ACYP2: variants seen among roughly 807,000 people sequenced by gnomAD.
ACYP2 encodes acylphosphatase 2.
Under a neutral mutation model 11.2 loss-of-function variants are expected in ACYP2, and 12 were observed. That is an observed-to-expected ratio of 1.08 (90% CI 0.69 to 1.74). ACYP2 has a LOEUF of 1.74. Among genes scored for constraint, ACYP2 ranks in the 40% most tolerant of loss-of-function variants. The pLI is 0.00. For synonymous variants in ACYP2, 43 were observed against 32.2 expected (o/e 1.33, Z -1.13); for missense variants, 134 against 101.9 (o/e 1.31, Z -1.35).
rs142733234 is a variant in ACYP2 at position 54,137,732 on chromosome 2, G to A, written c.295-907G>A. On this transcript the variant is annotated intron_variant, in intron 5 of 6. Coordinates refer to ENST00000607452, the MANE Select transcript of ACYP2 (RefSeq NM_001320586.2). Reference sequence around the variant, plus strand: ...TGTCTTGGCTATTGTGAATACTGCTGTAGTGAACATATGTGTGTATGTGTG... The same window carrying A: ...TGTCTTGGCTATTGTGAATACTGCTATAGTGAACATATGTGTGTATGTGTG... 2.2e-3 allele frequency among the ~76,000 whole-genome samples: 342 copies of A among 152,286 alleles called. 2 individuals are homozygous for A. The highest frequency in any genetic ancestry group is 7.7e-3 in the African/African-American group (320 of 41,540).
intron 4 of ACYP2, among the ~76,000 whole-genome samples, chr2:54,112,301 G>A (rs1679503595): frequency 6.6e-6 from 1 of 152,120 alleles, no homozygotes. Flanking sequence ...TGTTGCTCAG[G>A]TTACAAAACC....
At chr2:54,106,828 C>T (rs373516341) in intron 4 of ACYP2, among the ~76,000 whole-genome samples, 30 of 152,208 alleles carry the variant, frequency 2.0e-4, no homozygotes, top group African/African-American at 6.0e-4. Context: ...CGTGATCCGC[C>T]CCCCCTCGGC....
chr2:54,264,637 G>A (rs149150691), intron 6 of ACYP2, among the ~76,000 whole-genome samples: 16 of 152,366 alleles, frequency 1.1e-4, no homozygotes, highest in Non-Finnish European at 1.9e-4. Flanking sequence ...ATGCCGGTCT[G>A]GAGATGGGTG....
At chr2:54,055,224 A>G (rs1367022600) in intron 3 of ACYP2, among the ~76,000 whole-genome samples, 1 of 151,992 alleles carries the variant, frequency 6.6e-6, no homozygotes, top group African/African-American at 2.4e-5. Flanking sequence ...TTTAGTAGAG[A>G]TGGGGTTTCA....
chr2:54,228,058 GAAT>G (rs1161497859), intron 6 of ACYP2, among the ~76,000 whole-genome samples: 3 of 152,206 alleles, frequency 2.0e-5, no homozygotes, highest in Non-Finnish European at 2.9e-5. Flanking sequence ...CAGGCTGGCT[GAAT>G]AATAGCCCTT....
chr2:54,117,988 G>A (rs1338392595), intron 4 of ACYP2, among the ~76,000 whole-genome samples: 1 of 152,056 alleles, frequency 6.6e-6, no homozygotes, highest in African/African-American at 2.4e-5. Context: ...CATCCTTATA[G>A]CTTAGCTCCC....
At chr2:54,268,265 A>G (rs996754827) in intron 6 of ACYP2, among the ~76,000 whole-genome samples, 5 of 152,198 alleles carry the variant, frequency 3.3e-5, no homozygotes, top group Non-Finnish European at 7.3e-5. Flanking sequence ...AGTAGCTGCA[A>G]TGAGGTTGTT....
chr2:54,122,175 G>C (rs1188961550), intron 4 of ACYP2, among the ~76,000 whole-genome samples: 1 of 152,170 alleles, frequency 6.6e-6, no homozygotes, highest in Non-Finnish European at 1.5e-5. Context: ...TCAGATCCCA[G>C]GATGAAATGG....
At chr2:54,146,088 A>G (rs1681866863) in intron 6 of ACYP2, among the ~76,000 whole-genome samples, 1 of 152,256 alleles carries the variant, frequency 6.6e-6, no homozygotes, top group Non-Finnish European at 1.5e-5. Flanking sequence ...GCATCTCTGC[A>G]TGCCTTCATT....
intron 6 of ACYP2, among the ~76,000 whole-genome samples, chr2:54,258,015 C>A (rs180919047): frequency 1.9e-3 from 284 of 152,258 alleles, no homozygotes; most frequent in African/African-American, 6.6e-3. Context: ...ATTAAACATT[C>A]AACAAATGTT....
chr2:54,032,965 G>C (rs1471941136), intron 2 of ACYP2, among the ~76,000 whole-genome samples: 1 of 152,198 alleles, frequency 6.6e-6, no homozygotes, highest in African/African-American at 2.4e-5. Context: ...GAAAGAAAGA[G>C]TTCCAGGCAG....
In ACYP2 at chr2:53,971,255, G is replaced by T. The variant is rs1044078865; in HGVS notation, c.-103G>T. Reference sequence around the variant, plus strand: ...GAATTCCAAGCTATTGTCCTGCTTCGCCGGGGGTCGCGCACTCCAAGCGGC... The same window carrying T: ...GAATTCCAAGCTATTGTCCTGCTTCTCCGGGGGTCGCGCACTCCAAGCGGC... On this transcript the variant is annotated 5_prime_UTR_variant, in exon 1 of 7. Coordinates refer to ENST00000607452, the MANE Select transcript of ACYP2 (RefSeq NM_001320586.2). 6.5e-6 allele frequency: 1 copy of T among 153,930 alleles called. No individual in the cohort carries two copies. The highest frequency in any genetic ancestry group is 1.4e-5 in the Non-Finnish European group (1 of 69,292). The allele number at this position is 153,930 out of a possible 1,614,324, so 9.5% of individuals were successfully genotyped here. A position where few individuals can be genotyped will look rare whatever the true frequency, so the allele number is the denominator to read the frequency against.
chr2:54,055,961 A>G (rs1043451154), intron 3 of ACYP2, among the ~76,000 whole-genome samples: 5 of 152,202 alleles, frequency 3.3e-5, no homozygotes, highest in Non-Finnish European at 7.3e-5. Flanking sequence ...TAGTACCCCC[A>G]TAGGCATACT....
chr2:54,131,154 A>G (rs545806820), intron 4 of ACYP2, among the ~76,000 whole-genome samples: 62 of 152,240 alleles, frequency 4.1e-4, no homozygotes, highest in Non-Finnish European at 6.8e-4. Context: ...TCAATAATCA[A>G]TGTTTAACTG....
At chr2:54,250,488 T>C (rs1363706915) in intron 6 of ACYP2, among the ~76,000 whole-genome samples, 1 of 151,374 alleles carries the variant, frequency 6.6e-6, no homozygotes, top group Non-Finnish European at 1.5e-5. Flanking sequence ...GGGGGGGGCG[T>C]TGAAAGTATC....
intron 2 of ACYP2, among the ~76,000 whole-genome samples, chr2:54,027,097 A>G (rs1181214494): frequency 6.6e-6 from 1 of 152,188 alleles, no homozygotes; most frequent in Non-Finnish European, 1.5e-5. Flanking sequence ...GAGTTCACAT[A>G]TATCCTGTAG....
At chr2:54,292,035 C>T (rs904962388) in intron 6 of ACYP2, among the ~76,000 whole-genome samples, 1 of 152,036 alleles carries the variant, frequency 6.6e-6, no homozygotes, top group Non-Finnish European at 1.5e-5. Flanking sequence ...TTGTTTTTTA[C>T]TTTTTAATTT....
chr2:54,276,655 ACACACAC>A (rs1200549447), intron 6 of ACYP2, among the ~76,000 whole-genome samples: 7 of 131,732 alleles, frequency 5.3e-5, no homozygotes, highest in African/African-American at 2.2e-4. Flanking sequence ...ACACACACAC[ACACACAC>A]CACACACAAG....
chr2:54,241,652 G>C (rs1002959962), intron 6 of ACYP2, among the ~76,000 whole-genome samples: 1 of 152,170 alleles, frequency 6.6e-6, no homozygotes, highest in African/African-American at 2.4e-5. Context: ...AGTTTTGCAA[G>C]GGATAAACCA....
Sources: gnomAD v4.1 joint callset for allele counts (sites outside exome capture counted in the v4.1 genomes callset) on GRCh38, gnomAD v4.1.1 for gene constraint, MANE v1.5 for transcripts, NCBI Gene and HGNC (gene_info 2026-07-23, HGNC 2026-07-21) for gene names.